PHF24: variants seen among roughly 807,000 people sequenced by gnomAD.
The protein encoded by PHF24 is Galpha inhibitory interacting protein.
A neutral mutation model predicts 42.6 loss-of-function variants in PHF24; 25 were observed. That is an observed-to-expected ratio of 0.59 (90% confidence interval 0.43 to 0.82). PHF24 has a LOEUF of 0.82. Ranked by LOEUF, PHF24 falls within the 40% of genes least tolerant of loss-of-function variation. The pLI is 0.00. For synonymous variants in PHF24, 185 were observed against 204.8 expected, an observed-to-expected ratio of 0.90 and a Z score of 0.83; for missense variants, 470 against 538.1, an observed-to-expected ratio of 0.87 and a Z score of 1.25.
the PHF24 span, chr9:34,834,120 T>G: frequency 7.0e-7 from 1 of 1,431,942 alleles, no homozygotes; most frequent in Non-Finnish European, 9.5e-7. Flanking sequence ...TCTGGGTCAC[T>G]TGCTGTCTGC....
chr9:34,886,033 A>G, the PHF24 span, among the ~76,000 whole-genome samples: 1 of 151,424 alleles, frequency 6.6e-6, no homozygotes, highest in Admixed American at 6.6e-5. Flanking sequence ...TCTTCTTCTA[A>G]TCCATTATCT....
the PHF24 span, among the ~76,000 whole-genome samples, chr9:34,782,853 C>G: frequency 6.6e-6 from 1 of 152,090 alleles, no homozygotes; most frequent in Non-Finnish European, 1.5e-5. Context: ...CTGCTCCAAA[C>G]CTATATCTTT....
At chr9:34,837,332 G>A in the PHF24 span, 2 of 364,454 alleles carry the variant, frequency 5.5e-6, no homozygotes, top group Middle Eastern at 8.1e-4. Context: ...CAACCATACT[G>A]TGAGTGAGAG....
chr9:34,717,022 G>C, the PHF24 span, among the ~76,000 whole-genome samples: 1 of 152,208 alleles, frequency 6.6e-6, no homozygotes, highest in Non-Finnish European at 1.5e-5. Context: ...CTCCACAGGT[G>C]AGGGGCACAG....
chr9:34,712,212 A>G, the PHF24 span, among the ~76,000 whole-genome samples: 1 of 151,704 alleles, frequency 6.6e-6, no homozygotes, highest in Non-Finnish European at 1.5e-5. Flanking sequence ...ATAATGAGTT[A>G]CTTCTCTCTT....
chr9:34,862,741 GC>G, the PHF24 span, among the ~76,000 whole-genome samples: 1 of 151,314 alleles, frequency 6.6e-6, no homozygotes, highest in East Asian at 2.0e-4. Context: ...GGGGGAAAGT[GC>G]CTTCTGCTTG....
At chr9:34,879,117 A>G in the PHF24 span, among the ~76,000 whole-genome samples, 2 of 152,232 alleles carry the variant, frequency 1.3e-5, no homozygotes, top group South Asian at 2.1e-4. Context: ...GACCTCCAGC[A>G]AACTCCAACA....
the PHF24 span, among the ~76,000 whole-genome samples, chr9:34,715,805 A>G: frequency 6.6e-6 from 1 of 152,190 alleles, no homozygotes; most frequent in Non-Finnish European, 1.5e-5. Context: ...CTACCTCTCT[A>G]GGACAGGCAC....
At chr9:34,913,160 GA>G in the PHF24 span, among the ~76,000 whole-genome samples, 8 of 150,026 alleles carry the variant, frequency 5.3e-5, no homozygotes, top group South Asian at 2.1e-4. Context: ...AAAAAAATTG[GA>G]AAAAAAAAGA....
chr9:34,934,535 C>T, the PHF24 span, among the ~76,000 whole-genome samples: 6 of 151,866 alleles, frequency 4.0e-5, no homozygotes, highest in South Asian at 4.2e-4. Context: ...CCCAGCCCCC[C>T]CTTCCTACTC....
the PHF24 span, chr9:34,889,113 G>T: frequency 2.5e-6 from 1 of 398,610 alleles, no homozygotes; most frequent in Non-Finnish European, 4.4e-6. Context: ...TGCTTCACCT[G>T]CATGTTAATG....
chr9:34,671,807 T>TCATCCATC, the PHF24 span, among the ~76,000 whole-genome samples: 831 of 149,942 alleles, frequency 5.5e-3, 5 homozygotes, highest in South Asian at 0.015. Flanking sequence ...TTTTTCTGCC[T>TCATCCATC]CATCCATCCA....
At chr9:34,792,469 G>A in the PHF24 span, among the ~76,000 whole-genome samples, 1 of 152,228 alleles carries the variant, frequency 6.6e-6, no homozygotes, top group East Asian at 1.9e-4. Context: ...TCGGGAGTTC[G>A]AGACCAGCCT....
chr9:34,702,977 A>T, the PHF24 span, among the ~76,000 whole-genome samples: 1 of 152,202 alleles, frequency 6.6e-6, no homozygotes, highest in Non-Finnish European at 1.5e-5. Context: ...TAATGCCTGG[A>T]TGTGAGAAAG....
chr9:34,785,952 G>A, the PHF24 span, among the ~76,000 whole-genome samples: 35 of 152,232 alleles, frequency 2.3e-4, 2 homozygotes, highest in South Asian at 3.5e-3. Flanking sequence ...TCTGCATAGC[G>A]TTACAATGTT....
the PHF24 span, among the ~76,000 whole-genome samples, chr9:34,754,241 A>G: frequency 6.6e-6 from 1 of 152,140 alleles, no homozygotes; most frequent in Non-Finnish European, 1.5e-5. Context: ...AAAAATGTTT[A>G]CAAACGATCT....
chr9:34,750,221 T>G, the PHF24 span, among the ~76,000 whole-genome samples: 6 of 152,082 alleles, frequency 3.9e-5, no homozygotes, highest in East Asian at 9.7e-4. Flanking sequence ...CAAGACATAG[T>G]ACAATAAGAA....
At chr9:34,835,596 C>T in the PHF24 span, 11 of 1,551,674 alleles carry the variant, frequency 7.1e-6, no homozygotes, top group African/African-American at 1.1e-4. Context: ...TGCTCATCTC[C>T]TCCTGGTTCA....
the PHF24 span, among the ~76,000 whole-genome samples, chr9:34,779,431 G>T: frequency 6.6e-6 from 1 of 152,144 alleles, no homozygotes; most frequent in East Asian, 1.9e-4. Context: ...AGACGGCAAT[G>T]CTCCCTATAT....
Sources: gnomAD v4.1 joint callset for allele counts (sites outside exome capture counted in the v4.1 genomes callset) on GRCh38, gnomAD v4.1.1 for gene constraint, MANE v1.5 for transcripts, NCBI Gene and HGNC (gene_info 2026-07-23, HGNC 2026-07-21) for gene names.